Variants in MRTFB observed in about 807,000 individuals in gnomAD.
MRTFB encodes myocardin related transcription factor B.
Under a neutral mutation model 104.2 loss-of-function variants are expected in MRTFB, and 29 were observed. That is an observed-to-expected ratio of 0.28 (90% confidence interval 0.21 to 0.38). The LOEUF is 0.38. Among genes scored for constraint, MRTFB ranks in the 10% least tolerant of loss-of-function variants. MRTFB has a pLI of 1.00. For synonymous variants in MRTFB, 535 were observed against 519.5 expected, an observed-to-expected ratio of 1.03 and a Z score of -0.41; for missense variants, 1,270 against 1,341.6, an observed-to-expected ratio of 0.95 and a Z score of 0.83.
chr16:14,224,684 T>C (rs1288060631), intron 8 of MRTFB, among the ~76,000 whole-genome samples: 1 of 152,170 alleles, frequency 6.6e-6, no homozygotes, highest in Non-Finnish European at 1.5e-5. Flanking sequence ...GGATGATATA[T>C]TTAAAATGGT....
intron 2 of MRTFB, among the ~76,000 whole-genome samples, chr16:14,084,383 A>G (rs1205459038): frequency 6.6e-6 from 1 of 152,118 alleles, no homozygotes; most frequent in Non-Finnish European, 1.5e-5. Context: ...TCTGCAAAAC[A>G]TGCAAAATTA....
At chr16:14,048,523 T>C in the MRTFB span, among the ~76,000 whole-genome samples, 1 of 151,968 alleles carries the variant, frequency 6.6e-6, no homozygotes, top group South Asian at 2.1e-4. Flanking sequence ...CTGGGAATAA[T>C]GGGCAGTGAG....
At chr16:14,223,338 A>G (rs754902208) in intron 8 of MRTFB, among the ~76,000 whole-genome samples, 2 of 152,126 alleles carry the variant, frequency 1.3e-5, no homozygotes, top group Non-Finnish European at 2.9e-5. Context: ...AAAGAAAAAT[A>G]TGACCATTCA....
At chr16:14,166,806 C>G (rs1193740614) in intron 3 of MRTFB, among the ~76,000 whole-genome samples, 1 of 152,136 alleles carries the variant, frequency 6.6e-6, no homozygotes, top group African/African-American at 2.4e-5. Flanking sequence ...TCACAGCTTC[C>G]CCCTGCATCC....
chr16:14,136,042 G>A lies in MRTFB; in HGVS notation c.-63-4502G>A, dbSNP rs555641821. Among the ~76,000 whole-genome samples the A allele has an allele frequency of 5.9e-5, 9 of 152,254 alleles. No homozygotes were observed. In the South Asian group the frequency reaches 1.0e-3, roughly 18 times the overall value. On this transcript the variant is annotated intron_variant, in intron 2 of 16. Transcript: ENST00000571589. ...TTCCAGCACTTTGGGAGGCCGAAGC[G>A]GGTGGATCACTTGAGGTCAGGAGTT...
At chr16:14,218,538 A>G (rs2041534201) in intron 7 of MRTFB, among the ~76,000 whole-genome samples, 1 of 151,806 alleles carries the variant, frequency 6.6e-6, no homozygotes, top group Admixed American at 6.6e-5. Flanking sequence ...GATTTTACTG[A>G]TTGCATTTGC....
At chr16:14,118,477 C>T (rs185829690) in intron 2 of MRTFB, among the ~76,000 whole-genome samples, 31 of 151,724 alleles carry the variant, frequency 2.0e-4, no homozygotes, top group Admixed American at 2.0e-3. Flanking sequence ...ACCATCATCC[C>T]GAAGTGTGTG....
Position 14,071,651 on chromosome 16 carries a change from C to G in MRTFB, c.-129+286C>G, listed in dbSNP as rs1008654568. Among the ~76,000 whole-genome samples the G allele has an allele frequency of 2.0e-5, 3 of 152,262 alleles. No homozygotes were observed. The South Asian group carries it at 6.2e-4, about 32-fold the overall frequency. Reference sequence around the variant, plus strand: ...CATCTCGACTGCAGAGTTGGCCCTGCTGACAGTGGCAGCGGCGTTTATGGA... The same window carrying G: ...CATCTCGACTGCAGAGTTGGCCCTGGTGACAGTGGCAGCGGCGTTTATGGA... On this transcript the variant is annotated intron_variant, in intron 1 of 16. Coordinates refer to ENST00000571589, the MANE Select transcript of MRTFB (RefSeq NM_001308142.2).
At chr16:14,080,493 G>T (rs2034332405) in intron 2 of MRTFB, among the ~76,000 whole-genome samples, 1 of 152,100 alleles carries the variant, frequency 6.6e-6, no homozygotes, top group Non-Finnish European at 1.5e-5. Flanking sequence ...TGAGAACATT[G>T]AACATTTACT....
intron 16 of MRTFB, among the ~76,000 whole-genome samples, chr16:14,259,056 C>T (rs563549834): frequency 2.6e-5 from 4 of 152,104 alleles, no homozygotes; most frequent in East Asian, 3.9e-4. Context: ...CTGAAGTTGA[C>T]GTTGACATAG....
chr16:14,131,598 C>A (rs13334036), intron 2 of MRTFB, among the ~76,000 whole-genome samples: 289 of 152,092 alleles, frequency 1.9e-3, no homozygotes, highest in African/African-American at 4.9e-3. Context: ...AAAGAAAAAA[C>A]TGTTCTAACT....
At chr16:14,165,529 C>A (rs1943881773) in intron 3 of MRTFB, among the ~76,000 whole-genome samples, 1 of 152,146 alleles carries the variant, frequency 6.6e-6, no homozygotes, top group African/African-American at 2.4e-5. Context: ...GCCTTCTGTA[C>A]CCTGTGCTCC....
the MRTFB span, among the ~76,000 whole-genome samples, chr16:14,034,478 G>T: frequency 6.6e-6 from 1 of 152,186 alleles, no homozygotes; most frequent in African/African-American, 2.4e-5. Flanking sequence ...GCCAGGCGTG[G>T]TGGTGGGCAC....
intron 3 of MRTFB, among the ~76,000 whole-genome samples, chr16:14,209,162 G>A (rs2041079961): frequency 6.6e-6 from 1 of 152,210 alleles, no homozygotes; most frequent in African/African-American, 2.4e-5. Flanking sequence ...GCGTCTGCAG[G>A]CCTCAAGGTT....
At chr16:14,166,217 C>CTTTTTTT (rs35113283) in intron 3 of MRTFB, among the ~76,000 whole-genome samples, 11 of 112,530 alleles carry the variant, frequency 9.8e-5, no homozygotes, top group African/African-American at 2.7e-4. Flanking sequence ...GTTTTCTTTT[C>CTTTTTTT]TTTTTTTTTT....
chr16:14,113,606 G>A (rs1347086829), intron 2 of MRTFB, among the ~76,000 whole-genome samples: 1 of 152,162 alleles, frequency 6.6e-6, no homozygotes, highest in African/African-American at 2.4e-5. Flanking sequence ...TGAGGAAGCT[G>A]AGTTACTGGG....
chr16:14,034,379 C>T, the MRTFB span, among the ~76,000 whole-genome samples: 2 of 152,126 alleles, frequency 1.3e-5, no homozygotes, highest in African/African-American at 2.4e-5. Flanking sequence ...TTTGGGAGGC[C>T]AAGGTGGGCG....
At chr16:14,206,441 A>G (rs951277415) in intron 3 of MRTFB, among the ~76,000 whole-genome samples, 18 of 152,264 alleles carry the variant, frequency 1.2e-4, no homozygotes, top group African/African-American at 2.9e-4. Flanking sequence ...ATATCTGCCA[A>G]AATTATAAGT....
chr16:14,156,956 C>T (rs377212547), intron 3 of MRTFB, among the ~76,000 whole-genome samples: 3 of 152,164 alleles, frequency 2.0e-5, no homozygotes, highest in Admixed American at 2.0e-4. Context: ...TCCCATCATG[C>T]GTTCCTCCCA....
Sources: gnomAD v4.1 joint callset for allele counts (sites outside exome capture counted in the v4.1 genomes callset) on GRCh38, gnomAD v4.1.1 for gene constraint, MANE v1.5 for transcripts, NCBI Gene and HGNC (gene_info 2026-07-23, HGNC 2026-07-21) for gene names.